The following RNLS variants were observed in gnomAD, a reference collection of about 807,000 sequenced individuals.
RNLS encodes renalase.
In RNLS, 39 loss-of-function variants were observed where a neutral mutation model predicts 39.8. The observed-to-expected ratio is 0.98, with a 90% CI of 0.76 to 1.28. The LOEUF (loss-of-function observed/expected upper bound fraction) is 1.28. Ranked by LOEUF, RNLS falls within the 50% of genes most tolerant of loss-of-function variation. The pLI is 0.00. For synonymous variants in RNLS, 147 were observed against 150.7 expected (o/e 0.98, Z 0.18); for missense variants, 410 against 413.3 (o/e 0.99, Z 0.07).
chr10:88,474,045 T>G (rs145728326), intron 4 of RNLS, among the ~76,000 whole-genome samples: 7 of 152,208 alleles, frequency 4.6e-5, no homozygotes, highest in Non-Finnish European at 1.0e-4. Flanking sequence ...ACATGCTATC[T>G]CCATTAAATG....
intron 5 of RNLS, among the ~76,000 whole-genome samples, chr10:88,315,708 A>C (rs995835909): frequency 1.4e-5 from 2 of 148,132 alleles, no homozygotes; most frequent in Non-Finnish European, 3.0e-5. Context: ...CTTACTCACT[A>C]TGTGCCCGCT....
rs756727715 is a variant in RNLS, at chr10:88,573,012, A to G, written c.417T>C (p.Asp139=). The change falls in exon 4 of 7, where the codon GAT becomes GAC. Residue 139 remains aspartate, a synonymous_variant. Coordinates refer to ENST00000331772, the MANE Select transcript of RNLS (RefSeq NM_001031709.3). ...TTTGTTTGGATACTTCCCATTTGTC[A>G]TCTCTTAGGTTGATCTGTGTCACAC... ...RHRVTQINLR[D]DKWEVSKQTG... is the part of the protein sequence containing the mutation. 5 of 1,613,928 alleles carry G rather than the reference A, an allele frequency of 3.1e-6. No homozygotes were observed. The highest frequency in any genetic ancestry group is 2.5e-6 in the Non-Finnish European group (3 of 1,179,938).
intron 4 of RNLS, among the ~76,000 whole-genome samples, chr10:88,548,959 C>T (rs1589996240): frequency 2.0e-5 from 3 of 151,884 alleles, no homozygotes; most frequent in Non-Finnish European, 4.4e-5. Flanking sequence ...AGCATAACAG[C>T]TTAGGTAATG....
rs541684700 is a variant in RNLS at position 88,371,237 on chromosome 10, A to C, written c.527-8512T>G. On this transcript the variant is annotated intron_variant, in intron 4 of 6. Coordinates refer to ENST00000331772, the MANE Select transcript of RNLS (RefSeq NM_001031709.3). ...TTTAACACAATACCTAGCACATAAC[A>C]AGTGTATTGCAAAAATCCAACATGA... 1.8e-4 allele frequency among the ~76,000 whole-genome samples: 28 copies of C among 152,270 alleles called. 1 individual carries two copies. Among genetic ancestry groups the C allele is most frequent in the South Asian group, 1.4e-3 (7 of 4,832 alleles).
At chr10:88,471,368 T>C (rs1350618963) in intron 4 of RNLS, among the ~76,000 whole-genome samples, 1 of 152,188 alleles carries the variant, frequency 6.6e-6, no homozygotes, top group Non-Finnish European at 1.5e-5. Flanking sequence ...TAGGTCAATG[T>C]TATGCCCATT....
chr10:88,186,808 C>G, the RNLS span, among the ~76,000 whole-genome samples: 70 of 151,826 alleles, frequency 4.6e-4, no homozygotes, highest in Non-Finnish European at 9.1e-4. Flanking sequence ...ATTCCCACAC[C>G]CACTTTTTGG....
Position 88,356,348 on chromosome 10 carries a change from C to A in RNLS, c.700+6204G>T, listed in dbSNP as rs189536381. ...TAGACTGGAGCTGTTCCTATTCAGC[C>A]GTCTTGGAACTGCCCCCCGATTCAA... On this transcript the variant is annotated intron_variant, in intron 5 of 6. Transcript: ENST00000331772. Among the ~76,000 whole-genome samples, 3 of 152,152 alleles carry A rather than the reference C, an allele frequency of 2.0e-5. No individual in the cohort carries two copies. The South Asian group carries it at 6.2e-4, about 32-fold the overall frequency.
At chr10:88,527,809 C>A (rs549426374) in intron 4 of RNLS, among the ~76,000 whole-genome samples, 33 of 140,288 alleles carry the variant, frequency 2.4e-4, no homozygotes, top group Middle Eastern at 3.7e-3. Context: ...TCAACTAAGC[C>A]AAAAAAGGAA....
the RNLS span, among the ~76,000 whole-genome samples, chr10:88,190,300 C>T: frequency 6.6e-6 from 1 of 152,240 alleles, no homozygotes; most frequent in Non-Finnish European, 1.5e-5. Context: ...TCTTGGCGAC[C>T]TGCCTGAGAC....
At chr10:88,392,859 C>T (rs1286617827) in intron 4 of RNLS, among the ~76,000 whole-genome samples, 1 of 152,132 alleles carries the variant, frequency 6.6e-6, no homozygotes, top group Non-Finnish European at 1.5e-5. Flanking sequence ...GGCTTCATCC[C>T]TGGGATGCAA....
chr10:88,581,788 T>C (rs1360072003), intron 2 of RNLS, 79 bp from the exon 3 acceptor site: 2 of 920,306 alleles, frequency 2.2e-6, no homozygotes, highest in African/African-American at 1.7e-5. Context: ...CTTTCAATAA[T>C]TCTCAGAGGT....
intron 6 of RNLS, among the ~76,000 whole-genome samples, chr10:88,287,703 C>T (rs1352028031): frequency 6.6e-6 from 1 of 152,050 alleles, no homozygotes; most frequent in African/African-American, 2.4e-5. Context: ...AAAGCAGGCA[C>T]GTCTTACATG....
the RNLS span, among the ~76,000 whole-genome samples, chr10:88,252,310 G>C: frequency 6.6e-6 from 1 of 152,134 alleles, no homozygotes; most frequent in Non-Finnish European, 1.5e-5. Context: ...AAACGCTGGT[G>C]GTTCTCTAAG....
intron 4 of RNLS, among the ~76,000 whole-genome samples, chr10:88,506,710 T>A (rs1003066566): frequency 1.1e-4 from 17 of 152,156 alleles, no homozygotes; most frequent in African/African-American, 3.6e-4. Context: ...AACATTTTCA[T>A]AATAAAAAGA....
the RNLS span, among the ~76,000 whole-genome samples, chr10:88,199,358 A>G: frequency 2.6e-5 from 4 of 152,182 alleles, no homozygotes; most frequent in Non-Finnish European, 5.9e-5. Flanking sequence ...CCTCAGCACC[A>G]TTGACATTTT....
the RNLS span, among the ~76,000 whole-genome samples, chr10:88,173,550 T>C: frequency 6.6e-6 from 1 of 152,338 alleles, no homozygotes; most frequent in East Asian, 1.9e-4. Context: ...AAGGATTGCA[T>C]TGAATTTGTA....
chr10:88,237,901 A>C, the RNLS span, among the ~76,000 whole-genome samples: 1 of 152,272 alleles, frequency 6.6e-6, no homozygotes, highest in Non-Finnish European at 1.5e-5. Flanking sequence ...TTAACAATTA[A>C]AAGTCAAGTG....
At chr10:88,253,030 C>T in the RNLS span, among the ~76,000 whole-genome samples, 1 of 152,170 alleles carries the variant, frequency 6.6e-6, no homozygotes, top group Admixed American at 6.5e-5. Context: ...ACTCAAAGCC[C>T]TTAGGCTGAA....
At chr10:88,175,381 C>G in the RNLS span, among the ~76,000 whole-genome samples, 1 of 152,044 alleles carries the variant, frequency 6.6e-6, no homozygotes, top group Non-Finnish European at 1.5e-5. Flanking sequence ...TAGGCATTTA[C>G]TGCTATAAAA....
Sources: gnomAD v4.1 joint callset for allele counts (sites outside exome capture counted in the v4.1 genomes callset) on GRCh38, gnomAD v4.1.1 for gene constraint, MANE v1.5 for transcripts, NCBI Gene and HGNC (gene_info 2026-07-23, HGNC 2026-07-21) for gene names.